THAP2: variants seen among roughly 807,000 people sequenced by gnomAD.
THAP2 encodes the protein THAP domain containing 2.
THAP2 carries 16 observed loss-of-function variants against 18.8 expected under a neutral mutation model. That is an observed-to-expected ratio of 0.85 (90% CI 0.58 to 1.29). The LOEUF is 1.29. THAP2 is among the 50% of genes most tolerant of loss of function. The pLI is 0.00. For synonymous variants in THAP2, 80 were observed against 89.2 expected (o/e 0.90, Z 0.58); for missense variants, 251 against 265.3 (o/e 0.95, Z 0.38).
Position 71,676,821 on chromosome 12 carries a change from G to A in THAP2, c.400G>A (p.Ala134Thr). ...HSYAFRNPME[A>T]KKRIIKLEKE... The stretch of plus-strand genomic sequence containing the variant: ...CTATGCCTTTAGGAATCCTATGGAG[G>A]CAAAAAAGAGGATCATTAAACTGGA... The change falls in exon 3 of 3, where the codon GCA (alanine) becomes ACA (threonine). Residue 134 changes from alanine to threonine, a missense_variant. Coordinates refer to ENST00000308086, the MANE Select transcript of THAP2 (RefSeq NM_031435.4). The A allele has an allele frequency of 6.2e-7, 1 of 1,613,388 alleles. No individual in the cohort carries two copies. Among genetic ancestry groups the A allele is most frequent in the Non-Finnish European group, 8.5e-7 (1 of 1,179,564 alleles).
chr12:71,674,511 G>C, intron 2 of THAP2, 113 bp downstream of exon 2: 2 of 983,568 alleles, frequency 2.0e-6, no homozygotes. Flanking sequence ...AAAAGTTGCA[G>C]ACCTTCCTCT....
chr12:71,664,684 C>A, intron 1 of THAP2, 104 bp downstream of exon 1: 4 of 1,321,292 alleles, frequency 3.0e-6, no homozygotes, highest in South Asian at 1.2e-5. Context: ...ATAACTTTCC[C>A]AGCTGGTAGC....
intron 1 of THAP2, among the ~76,000 whole-genome samples, chr12:71,672,183 A>G (rs887399752): frequency 2.0e-5 from 3 of 152,140 alleles, no homozygotes; most frequent in Admixed American, 6.5e-5. Context: ...ATTTTTTTCA[A>G]GAAAGGGCAC....
chr12:71,674,784 T>C (rs529170405), intron 2 of THAP2, among the ~76,000 whole-genome samples: 23 of 152,054 alleles, frequency 1.5e-4, no homozygotes, highest in Non-Finnish European at 3.1e-4. Context: ...GAATGTAAGT[T>C]CAGAGGGAGG....
intron 1 of THAP2, among the ~76,000 whole-genome samples, chr12:71,668,665 G>A (rs1881383701): frequency 1.3e-5 from 2 of 152,142 alleles, no homozygotes; most frequent in African/African-American, 4.8e-5. Context: ...GTTTCCTACT[G>A]TGTCTTCAGT....
intron 1 of THAP2, chr12:71,667,689 C>G (rs1415365630): frequency 1.3e-5 from 2 of 152,140 alleles, no homozygotes; most frequent in Non-Finnish European, 2.9e-5. Context: ...CTTCTGTAAT[C>G]AATAGTATGT....
At chr12:71,674,823 T>C (rs932640010) in intron 2 of THAP2, among the ~76,000 whole-genome samples, 2 of 152,104 alleles carry the variant, frequency 1.3e-5, no homozygotes, top group Non-Finnish European at 2.9e-5. Flanking sequence ...TCAGAGAGCT[T>C]GGGCATTCAG....
intron 1 of THAP2, chr12:71,665,086 A>G (rs905985998): frequency 1.5e-6 from 1 of 659,218 alleles, no homozygotes; most frequent in Non-Finnish European, 2.7e-6. Context: ...ATTAAAGTGC[A>G]AAAGATAACC....
At chr12:71,675,524 C>G (rs1881507198) in intron 2 of THAP2, among the ~76,000 whole-genome samples, 1 of 152,074 alleles carries the variant, frequency 6.6e-6, no homozygotes, top group South Asian at 2.1e-4. Flanking sequence ...AAAAAGAGTT[C>G]CTGTCAATTC....
chr12:71,668,209 C>G (rs1186206023), intron 1 of THAP2, among the ~76,000 whole-genome samples: 1 of 152,108 alleles, frequency 6.6e-6, no homozygotes, highest in Non-Finnish European at 1.5e-5. Flanking sequence ...ACTGTCCCAC[C>G]CTAACTTCTC....
rs772359097 is a variant in THAP2, at chr12:71,676,758, T to A, written c.337T>A (p.Ser113Thr). ...CSPAGPSNLK[S>T]NISSQQVLLE... ...TCCAGCTGGACCATCTAATTTAAAA[T>A]CAAACATTAGTAGTCAGCAAGTACT... is the stretch of plus-strand genomic sequence containing the variant. The change falls in exon 3 of 3, where the codon TCA becomes ACA. Residue 113 changes from serine to threonine, a missense_variant. Ser to Thr is a moderately conservative substitution (Grantham distance 58, BLOSUM62 1). Transcript: ENST00000308086. The A allele has an allele frequency of 1.9e-6, 3 of 1,609,316 alleles. No individual in the cohort carries two copies. The highest frequency in any genetic ancestry group is 1.7e-6 in the Non-Finnish European group (2 of 1,178,264).
At chr12:71,664,821 A>G in intron 1 of THAP2, 1 of 704,508 alleles carries the variant, frequency 1.4e-6, no homozygotes, top group East Asian at 2.7e-5. Flanking sequence ...AGTAAAAAAA[A>G]GTAACAGGAG....
rs1275030349 is a variant in THAP2, at chr12:71,680,202, T to A, written c.*3094T>A. 6.6e-6 allele frequency: 1 copy of A among 152,206 alleles called. No homozygotes were observed. Among genetic ancestry groups the A allele is most frequent in the Non-Finnish European group, 1.5e-5 (1 of 68,026 alleles). 9.4% of individuals were successfully genotyped at this position (152,206 alleles called of 1,614,324 possible). A position where few individuals can be genotyped will look rare whatever the true frequency, so the allele number is the denominator to read the frequency against. On this transcript the variant is annotated 3_prime_UTR_variant, in exon 3 of 3. Transcript: ENST00000308086. ...GCAATTTATTTATTCATTCGGGCAT[T>A]TACTGTGTGCCAACTTGCAAAAGGA...
chr12:71,674,335 TCGA>T lies in THAP2; in HGVS notation c.209_211del (p.Arg70del). On this transcript the variant is annotated inframe_deletion, in exon 2 of 3. Transcript: ENST00000308086. ...CCTGTTTTGACCTAACAGGACAAAC[TCGA>T]CGACTTAAAATGGATGCTGTTCCAA... 1 of 1,613,388 alleles carries T rather than the reference TCGA, an allele frequency of 6.2e-7. No homozygotes were observed. Among genetic ancestry groups the T allele is most frequent in the Non-Finnish European group, 8.5e-7 (1 of 1,179,472 alleles).
chr12:71,676,443 A>T (rs1372691681), intron 2 of THAP2, among the ~76,000 whole-genome samples: 1 of 152,190 alleles, frequency 6.6e-6, no homozygotes, highest in Non-Finnish European at 1.5e-5. Context: ...TCCATTGTCT[A>T]TTTCCAAATC....
In THAP2 at chr12:71,676,799, T is replaced by G. The variant is rs1375088887; in HGVS notation, c.378T>G (p.Tyr126Ter). 11 of 1,613,484 alleles carry G rather than the reference T, an allele frequency of 6.8e-6. No individual in the cohort carries two copies. Among genetic ancestry groups the G allele is most frequent in the Non-Finnish European group, 9.3e-6 (11 of 1,179,634 alleles). Reference protein sequence around the residue: ...SSQQVLLEHSYAFRNPMEAKK... With the variant: ...SSQQVLLEHS ...AGCAAGTACTACTTGAACACAGCTATGCCTTTAGGAATCCTATGGAGGCAA... is the reference window on the plus strand; with the variant it reads ...AGCAAGTACTACTTGAACACAGCTAGGCCTTTAGGAATCCTATGGAGGCAA... The change falls in exon 3 of 3, where the codon TAT becomes TAG. Residue 126 changes from tyrosine (Y) to a stop codon, truncating the protein, a stop_gained. Transcript: ENST00000308086. LOFTEE classifies it high-confidence loss of function.
At chr12:71,670,252 T>C (rs1220125528) in intron 1 of THAP2, among the ~76,000 whole-genome samples, 1 of 152,218 alleles carries the variant, frequency 6.6e-6, no homozygotes, top group Non-Finnish European at 1.5e-5. Context: ...TTTGTGGTTC[T>C]TTTTAAACAC....
chr12:71,677,102 C>T lies in THAP2; in HGVS notation c.681C>T (p.Phe227=). The change falls in exon 3 of 3, where the codon TTC becomes TTT. Residue 227 remains phenylalanine (F), a synonymous_variant. Coordinates refer to ENST00000308086, the MANE Select transcript of THAP2 (RefSeq NM_031435.4). ...ATCTAAAACAGACCAAGAGTACCTT[C>T]ATTTAAATTTAGCTTGCACAGAGCT... ...SLNLKQTKST[F]I 1 of 1,579,494 alleles carries T rather than the reference C, an allele frequency of 6.3e-7. No individual in the cohort carries two copies. The highest frequency in any genetic ancestry group is 1.2e-5 in the South Asian group (1 of 85,760).
chr12:71,664,823 T>G lies in THAP2; in HGVS notation c.71+243T>G, dbSNP rs565892422. On this transcript the variant is annotated intron_variant, in intron 1 of 2. Transcript: ENST00000308086. Reference sequence around the variant, plus strand: ...GTCATTACCCCTTAGTAAAAAAAAGTAACAGGAGGATATCGTAATTTTCTA... The same window carrying G: ...GTCATTACCCCTTAGTAAAAAAAAGGAACAGGAGGATATCGTAATTTTCTA... The G allele has an allele frequency of 8.5e-6, 6 of 704,622 alleles. No homozygotes were observed. In the African/African-American group the frequency reaches 1.0e-4, roughly 12 times the overall value. 43.6% of individuals were successfully genotyped at this position (704,622 alleles called of 1,614,324 possible).
Sources: allele counts gnomAD v4.1 joint callset (sites outside exome capture counted in the v4.1 genomes callset), GRCh38; gene constraint gnomAD v4.1.1; transcripts MANE v1.5; gene names NCBI Gene and HGNC (gene_info 2026-07-23, HGNC 2026-07-21).